The following WNK1 variants were observed in gnomAD, a reference collection of about 807,000 sequenced individuals.
WNK1 encodes WNK lysine deficient protein kinase 1, also known as serine/threonine-protein kinase WNK1.
In WNK1, 38 loss-of-function variants were observed where a neutral mutation model predicts 222.8. The ratio of observed to expected loss-of-function variants is 0.17; its 90% CI spans 0.13 to 0.22. WNK1 has a LOEUF of 0.22. WNK1 is among the 10% of genes least tolerant of loss of function. WNK1 has a pLI of 1.00. For missense variants in WNK1, 2,348 were observed against 2,918.4 expected, an observed-to-expected ratio of 0.80 and a Z score of 4.50; for synonymous variants, 1,090 against 1,092.9, an observed-to-expected ratio of 1.00 and a Z score of 0.05.
At chr12:861,987 C>T (rs948244815) in intron 7 of WNK1, 96 bp from the exon 8 acceptor site, 2 of 1,376,436 alleles carry the variant, frequency 1.5e-6, no homozygotes, top group Admixed American at 3.6e-5. Flanking sequence ...CTAGTTACCC[C>T]TAATATAATG....
chr12:784,520 AAT>A (rs981595457), intron 1 of WNK1, among the ~76,000 whole-genome samples: 11 of 152,140 alleles, frequency 7.2e-5, no homozygotes, highest in Non-Finnish European at 1.3e-4. Context: ...TATTTTTAAA[AAT>A]AGCATTATTG....
chr12:911,359 G>A lies in WNK1; in HGVS notation c.*2567G>A, dbSNP rs1443000111. Reference sequence around the variant, plus strand: ...ATTTTGCACTAACTCTGGGTGTTGCGCTTCTTGTAAGATTGCGCTTTGTGC... The same window carrying A: ...ATTTTGCACTAACTCTGGGTGTTGCACTTCTTGTAAGATTGCGCTTTGTGC... On this transcript the variant is annotated 3_prime_UTR_variant, in exon 28 of 28. Transcript: ENST00000315939. 5 of 398,458 alleles carry A rather than the reference G, an allele frequency of 1.3e-5. No individual in the cohort carries two copies. Among genetic ancestry groups the A allele is most frequent in the African/African-American group, 4.1e-5 (2 of 48,614 alleles). The allele number at this position is 398,458 out of a possible 1,614,324, so 24.7% of individuals were successfully genotyped here.
chr12:839,870 A>AC, intron 4 of WNK1, among the ~76,000 whole-genome samples: 1 of 141,712 alleles, frequency 7.1e-6, no homozygotes, highest in Non-Finnish European at 1.5e-5. Context: ...GGCTCCCACC[A>AC]CCATGCCTGG....
Position 756,685 on chromosome 12 carries a change from T to G in WNK1, c.759+2361T>G, listed in dbSNP as rs564008624. On this transcript the variant is annotated intron_variant, in intron 1 of 27. Coordinates refer to ENST00000315939, the MANE Select transcript of WNK1 (RefSeq NM_018979.4). ...GGTTTTTTGACCAGGACACTTGCAC[T>G]ACATGCCTAATAAAATATTCAGTGG... Among the ~76,000 whole-genome samples the G allele has an allele frequency of 2.6e-5, 4 of 152,380 alleles. No homozygotes were observed. The South Asian group carries it at 8.3e-4, about 32-fold the overall frequency.
intron 22 of WNK1, among the ~76,000 whole-genome samples, chr12:891,823 G>A (rs868413593): frequency 1.3e-5 from 2 of 151,320 alleles, no homozygotes; most frequent in African/African-American, 2.4e-5. Context: ...CTAGCTAATC[G>A]GGAGGCTGAG....
intron 9 of WNK1, among the ~76,000 whole-genome samples, chr12:874,893 A>G (rs1354834154): frequency 6.6e-6 from 1 of 152,302 alleles, no homozygotes; most frequent in Middle Eastern, 3.4e-3. Flanking sequence ...TATGTCCAAA[A>G]AAAGGGAAGA....
chr12:850,355 A>G (rs1482907363), intron 4 of WNK1, among the ~76,000 whole-genome samples: 1 of 152,176 alleles, frequency 6.6e-6, no homozygotes, highest in South Asian at 2.1e-4. Flanking sequence ...TTTTGGCTGC[A>G]TAAATGTCTT....
chr12:899,299 C>T lies in WNK1; in HGVS notation c.6449-1177C>T, dbSNP rs113051836. 1.8e-3 allele frequency among the ~76,000 whole-genome samples: 42 copies of T among 22,864 alleles called. No individual in the cohort carries two copies. The Middle Eastern group carries it at 0.048, about 26-fold the overall frequency. 15.0% of individuals were successfully genotyped at this position (22,864 alleles called of 152,430 possible). ...ATTTCTGATCTGATCCCAATCAGAT[C>T]TTTTTTGTTTTTGTTTTTGTTTTTT... On this transcript the variant is annotated intron_variant, in intron 25 of 27. Coordinates refer to ENST00000315939, the MANE Select transcript of WNK1 (RefSeq NM_018979.4).
At chr12:758,188 G>A (rs1378600526) in intron 1 of WNK1, among the ~76,000 whole-genome samples, 2 of 146,370 alleles carry the variant, frequency 1.4e-5, no homozygotes, top group African/African-American at 4.9e-5. Flanking sequence ...TACCTGAAAA[G>A]AGAGGTTAAA....
In WNK1 at chr12:884,644, T is replaced by A; in HGVS notation, c.3845-5T>A. 6.2e-7 allele frequency: 1 copy of A among 1,613,598 alleles called. No individual in the cohort carries two copies. Among genetic ancestry groups the A allele is most frequent in the Non-Finnish European group, 8.5e-7 (1 of 1,179,450 alleles). ...TGATTCTTATCTTTTTGTATTCCTT[T>A]GCAGTTGCTGCCTCTACAGCTCAGA... On this transcript the variant is annotated splice_region_variant and splice_polypyrimidine_tract_variant and intron_variant, in intron 18 of 27. Transcript: ENST00000315939. This position sits in a 1 kb window ranked among gnomAD's most constrained non-coding sequence, Gnocchi z 5.6.
At chr12:859,171 C>A in intron 5 of WNK1, 74 bp from the exon 6 acceptor site, 1 of 1,281,382 alleles carries the variant, frequency 7.8e-7, no homozygotes, top group Non-Finnish European at 1.1e-6. Context: ...CAATAATTGG[C>A]CACATTTGAA....
intron 1 of WNK1, among the ~76,000 whole-genome samples, chr12:797,038 C>T (rs1037303171): frequency 4.6e-5 from 7 of 152,190 alleles, no homozygotes; most frequent in African/African-American, 1.7e-4. Flanking sequence ...ATTATATAAA[C>T]AATTCCCAGA....
In WNK1 at chr12:887,204, C is replaced by G; in HGVS notation, c.5281-17C>G. On this transcript the variant is annotated splice_polypyrimidine_tract_variant and intron_variant, in intron 19 of 27. Transcript: ENST00000315939. The stretch of plus-strand genomic sequence containing the variant: ...TTTAGCGTCTCACGGACTTGATTTT[C>G]CCTTTGTTGTCTGTAGGTGCTGCCA... The G allele has an allele frequency of 6.2e-7, 1 of 1,613,748 alleles. No individual in the cohort carries two copies. The highest frequency in any genetic ancestry group is 8.5e-7 in the Non-Finnish European group (1 of 1,179,684).
At position 896,529 on chromosome 12, in the gene WNK1, G is replaced by C. The variant is rs923054108; in HGVS notation, c.6042G>C (p.Pro2014=). The C allele has an allele frequency of 1.2e-6, 2 of 1,613,292 alleles. No individual in the cohort carries two copies. Among genetic ancestry groups the C allele is most frequent in the African/African-American group, 2.7e-5 (2 of 74,612 alleles). Residue 2014 remains proline (P), a synonymous_variant, in exon 24 of 28, where the codon CCG becomes CCC. Transcript: ENST00000315939. ...ATCTAAATGGGCCGTCTTCTGACCC[G>C]GAGGCCGCTTTTTTAAGTAGGGATG... The part of the protein sequence containing the change: ...PSHLNGPSSD[P]EAAFLSRDVD...
intron 8 of WNK1, among the ~76,000 whole-genome samples, chr12:869,546 G>A (rs1316051640): frequency 6.6e-6 from 1 of 151,870 alleles, no homozygotes; most frequent in Admixed American, 6.6e-5. Flanking sequence ...TGGAAAATAG[G>A]GAATGCTGTT....
At chr12:803,613 T>TCTA (rs1419530984) in intron 1 of WNK1, among the ~76,000 whole-genome samples, 2 of 152,138 alleles carry the variant, frequency 1.3e-5, no homozygotes, top group African/African-American at 4.8e-5. Flanking sequence ...TGAAACCCTG[T>TCTA]CTACTCCCAG....
Position 896,635 on chromosome 12 carries a change from C to T in WNK1, c.6148C>T (p.Leu2050Phe). 2 of 1,607,938 alleles carry T rather than the reference C, an allele frequency of 1.2e-6. No individual in the cohort carries two copies. Among genetic ancestry groups the T allele is most frequent in the Non-Finnish European group, 1.7e-6 (2 of 1,177,764 alleles). The change falls in exon 24 of 28, where the codon CTT (leucine) becomes TTT (phenylalanine). Residue 2050 changes from leucine (L) to phenylalanine (F), a missense_variant. This residue lies in a region of WNK1 where 1,144 missense variants were observed against 1,273.6 expected (regional missense o/e 0.90). Transcript: ENST00000315939. Reference sequence around the variant, plus strand: ...TCCTAGCCAGAATCTAAGTCAAAGCCTTAGTAATTCATTTAACTCCTCTTA... The same window carrying T: ...TCCTAGCCAGAATCTAAGTCAAAGCTTTAGTAATTCATTTAACTCCTCTTA... ...SLPSQNLSQS[L>F]SNSFNSSYMS...
chr12:882,180 ACTAT>A (rs1953221709), intron 14 of WNK1, 107 bp downstream of exon 14: 2 of 1,293,036 alleles, frequency 1.5e-6, no homozygotes, highest in South Asian at 1.3e-5. Flanking sequence ...AATAAAGATA[ACTAT>A]CTGTGTGTGA....
intron 1 of WNK1, among the ~76,000 whole-genome samples, chr12:776,587 T>C (rs575236316): frequency 6.6e-6 from 1 of 152,108 alleles, no homozygotes; most frequent in South Asian, 2.1e-4. Flanking sequence ...CGTGCCACCG[T>C]GCCTGGCTAA....
Sources: gnomAD v4.1 joint callset for allele counts (sites outside exome capture counted in the v4.1 genomes callset) on GRCh38, gnomAD v4.1.1 for gene constraint, gnomAD v4.1.1 regional missense constraint, Gnocchi (gnomAD v3.1) non-coding constraint, MANE v1.5 for transcripts, NCBI Gene and HGNC (gene_info 2026-07-23, HGNC 2026-07-21) for gene names.